The following NTF3 variants were observed in gnomAD, a reference collection of about 807,000 sequenced individuals.
NTF3 encodes the protein neurotrophin 3.
In NTF3, 8 loss-of-function variants were observed where a neutral mutation model predicts 26.3. That is an observed-to-expected ratio of 0.30 (90% CI 0.18 to 0.55). The LOEUF is 0.55. Ranked by LOEUF, NTF3 falls within the 20% of genes least tolerant of loss-of-function variation. NTF3 has a pLI of 0.93. For synonymous variants in NTF3, 154 were observed against 145.5 expected (o/e 1.06, Z -0.42); for missense variants, 276 against 352.9 (o/e 0.78, Z 1.75).
chr12:5,484,288 C>G (rs1940841939), intron 1 of NTF3, among the ~76,000 whole-genome samples: 2 of 152,228 alleles, frequency 1.3e-5, no homozygotes, highest in African/African-American at 4.8e-5. Flanking sequence ...TTCTGGCACC[C>G]TGGGCTTCAC....
chr12:5,435,425 A>T (rs185581035), intron 1 of NTF3, among the ~76,000 whole-genome samples: 1 of 152,224 alleles, frequency 6.6e-6, no homozygotes, highest in Admixed American at 6.5e-5. Flanking sequence ...AAGGTCTATA[A>T]TTCAGTTTCT....
chr12:5,438,914 C>A (rs1185490013), intron 1 of NTF3, among the ~76,000 whole-genome samples: 1 of 152,218 alleles, frequency 6.6e-6, no homozygotes, highest in Non-Finnish European at 1.5e-5. Flanking sequence ...GTGCTAATTA[C>A]CTCACTTGGA....
chr12:5,453,259 G>T (rs774961509), intron 1 of NTF3, among the ~76,000 whole-genome samples: 4 of 152,170 alleles, frequency 2.6e-5, no homozygotes, highest in African/African-American at 9.7e-5. Context: ...AAAGCCAGTT[G>T]CAAGCATATT....
intron 1 of NTF3, among the ~76,000 whole-genome samples, chr12:5,448,869 C>T (rs1478712470): frequency 4.6e-5 from 7 of 152,160 alleles, no homozygotes; most frequent in Non-Finnish European, 8.8e-5. Context: ...GAACTCTGCC[C>T]AGTGACTTAA....
chr12:5,442,965 T>C (rs994336482), intron 1 of NTF3, among the ~76,000 whole-genome samples: 2 of 152,168 alleles, frequency 1.3e-5, no homozygotes, highest in African/African-American at 4.8e-5. Flanking sequence ...AGTAGATATT[T>C]GGTAAGAGGC....
rs145349643 is a variant in NTF3 at position 5,458,427 on chromosome 12, C to T, written c.18+26085C>T. Among the ~76,000 whole-genome samples, 882 of 152,326 alleles carry T rather than the reference C, an allele frequency of 5.8e-3. 11 individuals carry two copies. The highest frequency in any genetic ancestry group is 0.019 in the African/African-American group (801 of 41,564). On this transcript the variant is annotated intron_variant, in intron 1 of 1. Coordinates refer to ENST00000423158, the MANE Select transcript of NTF3 (RefSeq NM_001102654.2). ...GTAGTTCCTGATTCAACACCTTTCTCAGGAGACTCTGGACTTCTTGAAGGC... is the reference window on the plus strand; with the variant it reads ...GTAGTTCCTGATTCAACACCTTTCTTAGGAGACTCTGGACTTCTTGAAGGC...
intron 1 of NTF3, among the ~76,000 whole-genome samples, chr12:5,473,952 C>A (rs994569182): frequency 2.0e-5 from 3 of 152,200 alleles, no homozygotes; most frequent in Non-Finnish European, 4.4e-5. Context: ...CATCTTCAGT[C>A]CCCTTCTGAT....
rs577384216 is a variant in NTF3 at position 5,452,120 on chromosome 12, G to A, written c.18+19778G>A. Among the ~76,000 whole-genome samples the A allele has an allele frequency of 2.5e-4, 35 of 140,488 alleles. No individual in the cohort carries two copies. In the East Asian group the frequency reaches 4.8e-3, roughly 19 times the overall value. 92.2% of individuals were successfully genotyped at this position (140,488 alleles called of 152,430 possible). Reference sequence around the variant, plus strand: ...TCTTTTTTTTTTTTTTTTTGTTGACGGAGTCTCACTCTCTTGCCGGGCTGG... The same window carrying A: ...TCTTTTTTTTTTTTTTTTTGTTGACAGAGTCTCACTCTCTTGCCGGGCTGG... On this transcript the variant is annotated intron_variant, in intron 1 of 1. Coordinates refer to ENST00000423158, the MANE Select transcript of NTF3 (RefSeq NM_001102654.2).
intron 1 of NTF3, among the ~76,000 whole-genome samples, chr12:5,466,558 C>T (rs573248723): frequency 8.5e-5 from 13 of 152,282 alleles, no homozygotes; most frequent in South Asian, 6.2e-4. Flanking sequence ...CATGTGTGTG[C>T]AAACACTCAT....
intron 1 of NTF3, among the ~76,000 whole-genome samples, chr12:5,441,919 C>T (rs1424153620): frequency 6.6e-6 from 1 of 152,216 alleles, no homozygotes; most frequent in African/African-American, 2.4e-5. Flanking sequence ...GCTTAGTTCT[C>T]CTGCAAATTG....
At chr12:5,431,620 G>GA (rs541434230), upstream of NTF3, among the ~76,000 whole-genome samples, 524 of 152,168 alleles carry the variant, frequency 3.4e-3, 5 homozygotes, top group African/African-American at 0.012. Flanking sequence ...CTAAGGTTTG[G>GA]AGGAGGAGTT....
At chr12:5,430,606 C>A (rs927584737), upstream of NTF3, among the ~76,000 whole-genome samples, 1 of 151,784 alleles carries the variant, frequency 6.6e-6, no homozygotes, top group African/African-American at 2.4e-5. Flanking sequence ...TCCCACCTCC[C>A]CATCCAACCC....
chr12:5,455,533 AACACACACACACACACACACAC>A (rs60429736), intron 1 of NTF3, among the ~76,000 whole-genome samples: 2 of 103,766 alleles, frequency 1.9e-5, no homozygotes, highest in Non-Finnish European at 1.8e-5. Context: ...ACCCCTCCCC[AACACACACACACACACACACAC>A]ACACACACAC....
At chr12:5,480,147 A>G (rs1437633627) in intron 1 of NTF3, among the ~76,000 whole-genome samples, 1 of 152,146 alleles carries the variant, frequency 6.6e-6, no homozygotes, top group Non-Finnish European at 1.5e-5. Flanking sequence ...AAAACCTTGC[A>G]TGGGGTTGTG....
intron 1 of NTF3, among the ~76,000 whole-genome samples, chr12:5,485,556 G>A (rs35934802): frequency 0.39 from 59,369 of 152,014 alleles, 11,958 homozygotes; most frequent in South Asian, 0.51. Flanking sequence ...GAAGTGTTCC[G>A]CACAGTCTAG....
At position 5,494,678 on chromosome 12, in the gene NTF3, A is replaced by G. The variant is rs911279931; in HGVS notation, c.503A>G (p.Glu168Gly). 6.2e-7 allele frequency: 1 copy of G among 1,614,200 alleles called. No homozygotes were observed. Among genetic ancestry groups the G allele is most frequent in the Non-Finnish European group, 8.5e-7 (1 of 1,180,046 alleles). Residue 168 changes from glutamate (E) to glycine (G), a missense_variant, in exon 2 of 2, where the codon GAG becomes GGG. Glu to Gly is a moderately conservative substitution (Grantham distance 98, BLOSUM62 -2). Transcript: ENST00000423158. This position sits in a 1 kb window ranked among gnomAD's most constrained non-coding sequence, Gnocchi z 8.3. ...HRGEYSVCDS[E>G]SLWVTDKSSA... ...GGGGAGTACTCGGTATGTGACAGTG[A>G]GAGTCTGTGGGTGACCGACAAGTCA...
chr12:5,445,133 G>C (rs765469523), intron 1 of NTF3, among the ~76,000 whole-genome samples: 1 of 152,178 alleles, frequency 6.6e-6, no homozygotes, highest in South Asian at 2.1e-4. Flanking sequence ...TGAAACTGTG[G>C]CATTGACTTG....
At chr12:5,468,301 T>C (rs184738488) in intron 1 of NTF3, among the ~76,000 whole-genome samples, 261 of 152,334 alleles carry the variant, frequency 1.7e-3, no homozygotes, top group Non-Finnish European at 3.0e-3. Flanking sequence ...TTACTTTTTA[T>C]CTTCCTCCAA....
intron 1 of NTF3, among the ~76,000 whole-genome samples, chr12:5,479,583 T>C (rs1399936165): frequency 6.6e-6 from 1 of 152,260 alleles, no homozygotes; most frequent in African/African-American, 2.4e-5. Flanking sequence ...GCAGGGATTC[T>C]GCTTGTAGTT....
Sources: allele counts gnomAD v4.1 joint callset (sites outside exome capture counted in the v4.1 genomes callset), GRCh38; gene constraint gnomAD v4.1.1; non-coding constraint Gnocchi (gnomAD v3.1); transcripts MANE v1.5; gene names NCBI Gene and HGNC (gene_info 2026-07-23, HGNC 2026-07-21).